Variants in IQGAP3 observed in about 807,000 individuals in gnomAD.
The protein encoded by IQGAP3 is ras GTPase-activating-like protein IQGAP3.
In IQGAP3, 165 loss-of-function variants were observed where a neutral mutation model predicts 208.2. The ratio of observed to expected loss-of-function variants is 0.79; its 90% confidence interval spans 0.70 to 0.90. IQGAP3 has a LOEUF of 0.90. Among genes scored for constraint, IQGAP3 ranks in the 40% least tolerant of loss-of-function variants. The probability of loss-of-function intolerance (pLI) is 0.00; values close to 1 mark genes in which losing one functional copy is unlikely to be tolerated. For missense variants in IQGAP3, 1,811 were observed against 2,043.1 expected (o/e 0.89, Z 2.19); for synonymous variants, 703 against 803.6 (o/e 0.87, Z 2.12).
Position 156,539,993 on chromosome 1 carries a change from G to T in IQGAP3, c.2740-3C>A. ...TTCTTGCAGTGGGAGACCACTTCCTGCAGGGGTGGAGGAGCGGGTGATACA... is the reference window on the plus strand; with the variant it reads ...TTCTTGCAGTGGGAGACCACTTCCTTCAGGGGTGGAGGAGCGGGTGATACA... On this transcript the variant is annotated splice_polypyrimidine_tract_variant and splice_region_variant and intron_variant, in intron 23 of 37. Coordinates refer to ENST00000361170, the MANE Select transcript of IQGAP3 (RefSeq NM_178229.5). The T allele has an allele frequency of 6.2e-7, 1 of 1,614,112 alleles. No homozygotes were observed. Among genetic ancestry groups the T allele is most frequent in the South Asian group, 1.1e-5 (1 of 91,086 alleles).
At chr1:156,569,489 A>G (rs1243787104) in intron 1 of IQGAP3, 26 bp from the exon 2 acceptor site, 7 of 1,417,552 alleles carry the variant, frequency 4.9e-6, no homozygotes, top group Non-Finnish European at 6.9e-6. Context: ...GGATAAGGTC[A>G]ATGAAGAGAG....
chr1:156,566,933 C>G (rs1676429227), intron 2 of IQGAP3, among the ~76,000 whole-genome samples: 1 of 149,476 alleles, frequency 6.7e-6, no homozygotes, highest in Non-Finnish European at 1.5e-5. Context: ...ATGGTGCGAT[C>G]TTGGCTCACT....
intron 20 of IQGAP3, 82 bp from the exon 21 acceptor site, chr1:156,544,305 G>T: frequency 6.4e-7 from 1 of 1,566,996 alleles, no homozygotes; most frequent in Non-Finnish European, 8.8e-7. Flanking sequence ...TAAATCTAGA[G>T]GTCACAAGAA....
rs559006761 is a variant in IQGAP3, at chr1:156,534,632, G to A, written c.3609C>T (p.Ala1203=). The A allele has an allele frequency of 4.3e-6, 7 of 1,611,918 alleles. No homozygotes were observed. The South Asian group carries it at 7.7e-5, about 18-fold the overall frequency. The part of the protein sequence containing the change: ...VAMAAGGALA[A]PQRHALGAVA... ...CAGCCCCCAGGGCATGGCGCTGGGG[G>A]GCAGCCAGGGCTCCACCAGCTGCCA... The change falls in exon 29 of 38, where the codon GCC becomes GCT. Residue 1203 remains alanine (A), a synonymous_variant. Coordinates refer to ENST00000361170, the MANE Select transcript of IQGAP3 (RefSeq NM_178229.5).
Position 156,561,984 on chromosome 1 carries a change from C to T in IQGAP3, c.895G>A (p.Val299Ile). The T allele has an allele frequency of 6.2e-7, 1 of 1,612,310 alleles. No individual in the cohort carries two copies. The highest frequency in any genetic ancestry group is 8.5e-7 in the Non-Finnish European group (1 of 1,179,272). Residue 299 changes from valine (V) to isoleucine (I), a missense_variant, in exon 10 of 38, where the codon GTT (valine) becomes ATT (isoleucine). Transcript: ENST00000361170. ...NHVNVHGALE[V>I]VDDALERQSP... ...TGTCTTTCCAGGGCATCATCAACAA[C>T]TTCTAGAGCCCCATGGACTGAAAAA...
intron 16 of IQGAP3, 151 bp downstream of exon 16, chr1:156,550,110 C>A: frequency 1.6e-6 from 1 of 617,320 alleles, no homozygotes; most frequent in Non-Finnish European, 2.9e-6. Context: ...GCAGTCTGAA[C>A]AGCAGCCCTC....
At chr1:156,554,198 A>AT in intron 13 of IQGAP3, 37 bp downstream of exon 13, 2 of 1,563,476 alleles carry the variant, frequency 1.3e-6, no homozygotes, top group Non-Finnish European at 1.7e-6. Context: ...GCATTCCCCC[A>AT]TCCCTCACTC....
intron 30 of IQGAP3, 30 bp downstream of exon 30, chr1:156,533,979 G>A (rs371302817): frequency 1.2e-6 from 2 of 1,612,300 alleles, no homozygotes; most frequent in African/African-American, 2.7e-5. Flanking sequence ...TGCCCACCCA[G>A]CCAACACCCT....
chr1:156,540,959 C>T (rs1447845430), intron 22 of IQGAP3, 43 bp from the exon 23 acceptor site: 2 of 1,518,544 alleles, frequency 1.3e-6, no homozygotes. Flanking sequence ...CATGCCTCAT[C>T]AGAGGCCTCC....
At chr1:156,538,709 A>T in intron 26 of IQGAP3, 100 bp downstream of exon 26, 1 of 947,190 alleles carries the variant, frequency 1.1e-6, no homozygotes, top group Non-Finnish European at 1.7e-6. Flanking sequence ...TTTATATGCC[A>T]CCTTCAAAGT....
At chr1:156,551,420 G>C (rs544793906) in intron 15 of IQGAP3, among the ~76,000 whole-genome samples, 1 of 152,320 alleles carries the variant, frequency 6.6e-6, no homozygotes, top group East Asian at 1.9e-4. Context: ...TGAGTAAATA[G>C]AGCTCAGAGA....
In IQGAP3 at chr1:156,564,641, C is replaced by T. The variant is rs142267353; in HGVS notation, c.411G>A (p.Arg137=). The change falls in exon 5 of 38, where the codon CGG becomes CGA. Residue 137 remains arginine, a synonymous_variant. Transcript: ENST00000361170. ...TDIYDKKNMP[R]VVYCIHALSL... ...TGAGAGCATGGATGCAGTAGACTAC[C>T]CGGGGCATGTTCTTTTTGTCATAGA... 29 of 1,613,728 alleles carry T rather than the reference C, an allele frequency of 1.8e-5. No individual in the cohort carries two copies. In the African/African-American group the frequency reaches 3.9e-4, roughly 22 times the overall value.
In IQGAP3 at chr1:156,539,985, C is replaced by T; in HGVS notation, c.2745G>A (p.Val915=). Residue 915 remains valine, a synonymous_variant, in exon 24 of 38, where the codon GTG becomes GTA. Transcript: ENST00000361170. ...TGGTCAGCTTCTTGCAGTGGGAGACCACTTCCTGCAGGGGTGGAGGAGCGG... is the reference window on the plus strand; with the variant it reads ...TGGTCAGCTTCTTGCAGTGGGAGACTACTTCCTGCAGGGGTGGAGGAGCGG... ...LVKNRITLQE[V]VSHCKKLTKR... 6.2e-7 allele frequency: 1 copy of T among 1,614,024 alleles called. No homozygotes were observed. The highest frequency in any genetic ancestry group is 2.2e-5 in the East Asian group (1 of 44,874).
intron 32 of IQGAP3, among the ~76,000 whole-genome samples, 198 bp downstream of exon 32, chr1:156,532,780 CAG>C (rs1304843348): frequency 6.6e-6 from 1 of 152,070 alleles, no homozygotes; most frequent in Non-Finnish European, 1.5e-5. Context: ...CAGTACAACA[CAG>C]AGCAAAAAGC....
Position 156,551,990 on chromosome 1 carries a change from G to A in IQGAP3, c.1554C>T (p.Thr518=). 1.2e-6 allele frequency: 2 copies of A among 1,614,106 alleles called. No individual in the cohort carries two copies. Among genetic ancestry groups the A allele is most frequent in the Admixed American group, 1.7e-5 (1 of 60,014 alleles). ...QATVSQVNAQ[T]QEETDRVLAV... The stretch of plus-strand genomic sequence containing the variant: ...TATACTTACGGTCAGTCTCTTCCTG[G>A]GTCTGTGCATTGACCTGGCTCACGG... Residue 518 remains threonine (T), a synonymous_variant, in exon 14 of 38, where the codon ACC becomes ACT. Transcript: ENST00000361170.
At position 156,526,355 on chromosome 1, in the gene IQGAP3, A is replaced by G. The variant is rs1571301215; in HGVS notation, c.*131T>C. The G allele has an allele frequency of 1.5e-6, 1 of 655,484 alleles. No individual in the cohort carries two copies. The highest frequency in any genetic ancestry group is 1.8e-5 in the South Asian group (1 of 55,894). 40.6% of individuals were successfully genotyped at this position (655,484 alleles called of 1,614,324 possible). A position where few individuals can be genotyped will look rare whatever the true frequency, so the allele number is the denominator to read the frequency against. On this transcript the variant is annotated 3_prime_UTR_variant, in exon 38 of 38. Transcript: ENST00000361170. ...GCAGGCAAGCTCCTCCCAGCTGGGG[A>G]AGGGGTGAGAATCCCTGGGCCTTGC...
chr1:156,567,734 G>A (rs890477877), intron 2 of IQGAP3, among the ~76,000 whole-genome samples: 1 of 152,080 alleles, frequency 6.6e-6, no homozygotes, highest in African/African-American at 2.4e-5. Context: ...AACATTAAAA[G>A]AATCCTGTTG....
At chr1:156,567,202 G>A (rs773546990) in intron 2 of IQGAP3, among the ~76,000 whole-genome samples, 2 of 152,278 alleles carry the variant, frequency 1.3e-5, no homozygotes, top group Middle Eastern at 6.8e-3. Flanking sequence ...AAAATAGAAC[G>A]TGCTCACTTC....
At chr1:156,545,883 G>A (rs1675222317) in intron 19 of IQGAP3, among the ~76,000 whole-genome samples, 1 of 152,094 alleles carries the variant, frequency 6.6e-6, no homozygotes, top group South Asian at 2.1e-4. Flanking sequence ...GTCTCAGTTT[G>A]GTAAGACTTG....
Sources: gnomAD v4.1 joint callset for allele counts (sites outside exome capture counted in the v4.1 genomes callset) on GRCh38, gnomAD v4.1.1 for gene constraint, MANE v1.5 for transcripts, NCBI Gene and HGNC (gene_info 2026-07-23, HGNC 2026-07-21) for gene names.